The following RTN4RL1 variants were observed in gnomAD, a reference collection of about 807,000 sequenced individuals.
The protein encoded by RTN4RL1 is reticulon-4 receptor-like 1.
A neutral mutation model predicts 25.6 loss-of-function variants in RTN4RL1; 7 were observed. The observed-to-expected ratio is 0.27, with a 90% CI of 0.16 to 0.51. The LOEUF (loss-of-function observed/expected upper bound fraction) is 0.51. Among genes scored for constraint, RTN4RL1 ranks in the 20% least tolerant of loss-of-function variants. The probability of loss-of-function intolerance (pLI) is 0.97; values close to 1 mark genes in which losing one functional copy is unlikely to be tolerated. For missense variants in RTN4RL1, 500 were observed against 615.6 expected (o/e 0.81, Z 1.99); for synonymous variants, 297 against 288.2 (o/e 1.03, Z -0.31).
At chr17:2,023,423 G>A (rs1463671557) in intron 1 of RTN4RL1, among the ~76,000 whole-genome samples, 1 of 152,160 alleles carries the variant, frequency 6.6e-6, no homozygotes, top group African/African-American at 2.4e-5. Context: ...GAAGGCAGCC[G>A]GCGTTTCCCC....
At chr17:1,972,681 G>C (rs1440186204) in intron 1 of RTN4RL1, among the ~76,000 whole-genome samples, 1 of 152,180 alleles carries the variant, frequency 6.6e-6, no homozygotes, top group East Asian at 1.9e-4. Context: ...CTGAGTAAAA[G>C]TGAACTTCCC....
At chr17:2,013,270 G>A (rs1187856333) in intron 1 of RTN4RL1, among the ~76,000 whole-genome samples, 1 of 152,236 alleles carries the variant, frequency 6.6e-6, no homozygotes, top group African/African-American at 2.4e-5. Context: ...GGCTAAGTGA[G>A]GGGGAGCTCT....
chr17:2,018,734 G>A, intron 1 of RTN4RL1, among the ~76,000 whole-genome samples: 1 of 152,136 alleles, frequency 6.6e-6, no homozygotes, highest in East Asian at 1.9e-4. Context: ...CTATGCCTCA[G>A]TTTCCTCATC....
chr17:2,009,440 AAATT>A, intron 1 of RTN4RL1, among the ~76,000 whole-genome samples: 1 of 129,552 alleles, frequency 7.7e-6, no homozygotes, highest in Non-Finnish European at 1.6e-5. Context: ...AAAAACACAA[AAATT>A]AGCTGGGCGT....
chr17:1,940,291 G>A (rs1223795626), intron 1 of RTN4RL1, among the ~76,000 whole-genome samples: 1 of 152,210 alleles, frequency 6.6e-6, no homozygotes, highest in African/African-American at 2.4e-5. Flanking sequence ...GAGGAATTAT[G>A]ACTTCAGCGG....
chr17:2,002,642 T>C (rs1033292278), intron 1 of RTN4RL1, among the ~76,000 whole-genome samples: 9 of 151,538 alleles, frequency 5.9e-5, no homozygotes, highest in East Asian at 1.9e-4. Flanking sequence ...CTCCCTCCCT[T>C]CCTTCCTTCC....
intron 1 of RTN4RL1, among the ~76,000 whole-genome samples, chr17:1,938,969 C>T (rs1421420383): frequency 6.6e-6 from 1 of 151,826 alleles, no homozygotes; most frequent in Non-Finnish European, 1.5e-5. Context: ...TCGTTTGAAC[C>T]TGGGAGGCGG....
chr17:1,948,121 G>A (rs1195581995), intron 1 of RTN4RL1, among the ~76,000 whole-genome samples: 1 of 152,210 alleles, frequency 6.6e-6, no homozygotes, highest in African/African-American at 2.4e-5. Context: ...CATATCAGAT[G>A]CCGAGAAGGG....
chr17:1,953,234 C>G (rs1400796905), intron 1 of RTN4RL1, among the ~76,000 whole-genome samples: 1 of 151,808 alleles, frequency 6.6e-6, no homozygotes, highest in African/African-American at 2.4e-5. Context: ...TAGTTAGAAC[C>G]CATCTCTACA....
intron 1 of RTN4RL1, among the ~76,000 whole-genome samples, chr17:1,975,462 C>G (rs9914535): frequency 0.25 from 37,655 of 151,848 alleles, 4,949 homozygotes; most frequent in Middle Eastern, 0.31. Context: ...ACCAGCCTGG[C>G]CAACATGGTG....
rs754423784 is a variant in RTN4RL1 at position 1,936,963 on chromosome 17, G to A, written c.859C>T (p.Leu287=). ...SSAVPCVSPG[L]RHGQDLKLLR... ...AGCTTCAGGTCCTGGCCGTGCCGCA[G>A]CCCAGGGGACACACAGGGGACAGCG... The change falls in exon 2 of 2, where the codon CTG becomes TTG. Residue 287 remains leucine, a synonymous_variant. Coordinates refer to ENST00000331238, the MANE Select transcript of RTN4RL1 (RefSeq NM_178568.4). 1.2e-6 allele frequency: 2 copies of A among 1,608,116 alleles called. No homozygotes were observed. The highest frequency in any genetic ancestry group is 8.5e-7 in the Non-Finnish European group (1 of 1,178,822).
intron 1 of RTN4RL1, among the ~76,000 whole-genome samples, chr17:1,966,951 A>AT (rs1446846368): frequency 6.6e-6 from 1 of 151,988 alleles, no homozygotes. Context: ...CCTTCCCAGC[A>AT]TCCTCACACA....
At chr17:1,970,954 G>A (rs1205696612) in intron 1 of RTN4RL1, among the ~76,000 whole-genome samples, 1 of 152,212 alleles carries the variant, frequency 6.6e-6, no homozygotes, top group Non-Finnish European at 1.5e-5. Context: ...TCACACTTCT[G>A]CAGTATATTA....
intron 1 of RTN4RL1, among the ~76,000 whole-genome samples, chr17:1,939,695 G>A (rs539358400): frequency 9.8e-5 from 15 of 152,328 alleles, no homozygotes; most frequent in East Asian, 3.9e-4. Context: ...GCCTGTGGTC[G>A]GATAATAGCC....
At chr17:2,018,659 C>G (rs1050044255) in intron 1 of RTN4RL1, among the ~76,000 whole-genome samples, 1 of 152,072 alleles carries the variant, frequency 6.6e-6, no homozygotes, top group African/African-American at 2.4e-5. Context: ...ACAGACAGAG[C>G]GGGGGCTGCA....
At chr17:1,946,640 C>T (rs1410433230) in intron 1 of RTN4RL1, among the ~76,000 whole-genome samples, 1 of 124,790 alleles carries the variant, frequency 8.0e-6, no homozygotes, top group African/African-American at 3.1e-5. Context: ...GTCTGTGCAT[C>T]TCTGTGTGAA....
chr17:1,962,354 T>C (rs1362151835), intron 1 of RTN4RL1, among the ~76,000 whole-genome samples: 2 of 151,910 alleles, frequency 1.3e-5, no homozygotes, highest in Non-Finnish European at 2.9e-5. Flanking sequence ...TTACCAGTTT[T>C]CTTTTTATTT....
At position 1,998,696 on chromosome 17, in the gene RTN4RL1, C is replaced by T. The variant is rs950280949; in HGVS notation, c.13+26157G>A. ...GCTTTCCTGCCCAAGCTGGCGCTGC[C>T]GGAGCGCCCGGGCCCCGCTCCCCTC... On this transcript the variant is annotated intron_variant, in intron 1 of 1. Transcript: ENST00000331238. The surrounding 1 kb of genome is among the most constrained non-coding windows in gnomAD (Gnocchi z 4.9). Among the ~76,000 whole-genome samples, 10 of 150,894 alleles carry T rather than the reference C, an allele frequency of 6.6e-5. No homozygotes were observed. The highest frequency in any genetic ancestry group is 5.9e-4 in the Admixed American group (9 of 15,218).
chr17:1,967,501 C>A (rs1567512307), intron 1 of RTN4RL1, among the ~76,000 whole-genome samples: 1 of 152,170 alleles, frequency 6.6e-6, no homozygotes. Context: ...CACTCTCCTG[C>A]CCTTCACAGG....
Sources: allele counts gnomAD v4.1 joint callset (sites outside exome capture counted in the v4.1 genomes callset), GRCh38; gene constraint gnomAD v4.1.1; non-coding constraint Gnocchi (gnomAD v3.1); transcripts MANE v1.5; gene names NCBI Gene and HGNC (gene_info 2026-07-23, HGNC 2026-07-21).